CATIP: variants seen among roughly 807,000 people sequenced by gnomAD.
CATIP encodes ciliogenesis-associated TTC17-interacting protein.
In CATIP, 40 loss-of-function variants were observed where a neutral mutation model predicts 42.5. The observed-to-expected ratio is 0.94, with a 90% CI of 0.73 to 1.22. The LOEUF (loss-of-function observed/expected upper bound fraction) is 1.22. CATIP is among the 50% of genes most tolerant of loss of function. The pLI, the probability that CATIP is intolerant of heterozygous loss-of-function variation, is 0.00. For missense variants in CATIP, 489 were observed against 496.0 expected (o/e 0.99, Z 0.13); for synonymous variants, 222 against 200.2 (o/e 1.11, Z -0.92).
At chr2:218,365,778 C>A (rs1476779917) in intron 7 of CATIP, 1 of 151,822 alleles carries the variant, frequency 6.6e-6, no homozygotes, top group Admixed American at 6.6e-5. Context: ...TTTTTCTTTT[C>A]TTTCTTTCTC....
intron 9 of CATIP, 48 bp from the exon 10 acceptor site, chr2:218,367,674 G>A: frequency 1.3e-6 from 2 of 1,576,494 alleles, no homozygotes; most frequent in Non-Finnish European, 1.7e-6. Flanking sequence ...GGGCTCCTGG[G>A]GCGCGGGGGT....
At chr2:218,364,850 T>C (rs1559106036) in intron 7 of CATIP, 98 bp downstream of exon 7, 2 of 1,362,482 alleles carry the variant, frequency 1.5e-6, no homozygotes, top group East Asian at 2.4e-5. Flanking sequence ...AGAACTGGCA[T>C]TGAGATAGGA....
chr2:218,361,426 G>A (rs1008529337), intron 5 of CATIP, among the ~76,000 whole-genome samples: 2 of 152,004 alleles, frequency 1.3e-5, no homozygotes, highest in African/African-American at 4.8e-5. Context: ...GACAACTCGA[G>A]GCAGGGAGGG....
chr2:218,366,965 C>A, intron 7 of CATIP, 59 bp from the exon 8 acceptor site: 2 of 1,283,814 alleles, frequency 1.6e-6, no homozygotes, highest in South Asian at 1.2e-5. Context: ...AGAGACAATT[C>A]AGTCCATAGC....
At position 218,364,730 on chromosome 2, in the gene CATIP, CA is replaced by C. The variant is rs1290019058; in HGVS notation, c.734del (p.Gln245ArgfsTer30). 1 of 1,613,606 alleles carries C rather than the reference CA, an allele frequency of 6.2e-7. No homozygotes were observed. The highest frequency in any genetic ancestry group is 8.5e-7 in the Non-Finnish European group (1 of 1,179,804). On this transcript the variant is annotated frameshift_variant, in exon 7 of 10. Coordinates refer to ENST00000289388, the MANE Select transcript of CATIP (RefSeq NM_198559.2). LOFTEE classifies it high-confidence loss of function. ...HAEEGIPMSCQYYLLSDGHLA... is the reference protein window; with the variant it reads ...HAEEGIPMSCXYYLLSDGHLA... ...GGAGGAGGGCATCCCCATGTCCTGC[CA>C]GTACTACCTGCTCTCCGATGGGTGA...
intron 5 of CATIP, 129 bp downstream of exon 5, chr2:218,360,788 G>A (rs1275371241): frequency 4.9e-6 from 3 of 607,188 alleles, no homozygotes; most frequent in Non-Finnish European, 5.7e-6. Context: ...AGCCTCAGGA[G>A]GTCCTGAGGA....
intron 4 of CATIP, among the ~76,000 whole-genome samples, chr2:218,358,987 C>G (rs1224903165): frequency 1.3e-5 from 2 of 151,786 alleles, no homozygotes; most frequent in Admixed American, 6.6e-5. Flanking sequence ...GGCGGATCAC[C>G]TGAGGTCGGG....
intron 7 of CATIP, chr2:218,366,182 G>A (rs1250972737): frequency 6.6e-6 from 1 of 152,048 alleles, no homozygotes; most frequent in African/African-American, 2.4e-5. Context: ...GGAGTACAGG[G>A]ATGCAATCTT....
chr2:218,365,777 T>C (rs1230180310), intron 7 of CATIP: 2 of 151,962 alleles, frequency 1.3e-5, no homozygotes, highest in African/African-American at 2.4e-5. Context: ...ATTTTTCTTT[T>C]CTTTCTTTCT....
At chr2:218,365,707 T>C (rs1007627555) in intron 7 of CATIP, 4 of 152,190 alleles carry the variant, frequency 2.6e-5, no homozygotes, top group African/African-American at 9.7e-5. Context: ...ACTACAGGTA[T>C]GCACCACAGC....
chr2:218,367,604 A>G (rs1695501688), intron 9 of CATIP, 86 bp downstream of exon 9: 2 of 1,603,294 alleles, frequency 1.2e-6, no homozygotes, highest in South Asian at 2.2e-5. Context: ...ATTGAAATGC[A>G]CACCCGTAGG....
chr2:218,366,952 T>C, intron 7 of CATIP, 72 bp from the exon 8 acceptor site: 2 of 1,164,140 alleles, frequency 1.7e-6, no homozygotes, highest in South Asian at 1.2e-5. Context: ...CACTGGGGGT[T>C]AGAGAGACAA....
At position 218,367,548 on chromosome 2, in the gene CATIP, C is replaced by G. The variant is rs1254119785; in HGVS notation, c.921+30C>G. 4 of 1,609,194 alleles carry G rather than the reference C, an allele frequency of 2.5e-6. No individual in the cohort carries two copies. The South Asian group carries it at 3.3e-5, about 13-fold the overall frequency. On this transcript the variant is annotated intron_variant, in intron 9 of 9. Coordinates refer to ENST00000289388, the MANE Select transcript of CATIP (RefSeq NM_198559.2). ...GGGGAGGCTCCACCAGCCTGGGGTT[C>G]CCATTCCCCCATGGGCCTTAAATTC... is the stretch of plus-strand genomic sequence containing the variant.
chr2:218,360,461 T>A, intron 4 of CATIP, 112 bp from the exon 5 acceptor site: 1 of 834,938 alleles, frequency 1.2e-6, no homozygotes, highest in Non-Finnish European at 1.9e-6. Context: ...GGCTGCTTTT[T>A]TTTTAAGTCA....
chr2:218,364,424 G>A (rs4674297), intron 6 of CATIP, among the ~76,000 whole-genome samples: 34,063 of 152,092 alleles, frequency 0.22, 3,886 homozygotes, highest in Middle Eastern at 0.36. Flanking sequence ...CCTGGTCAGC[G>A]AGATGACATG....
Position 218,357,522 on chromosome 2 carries a change from C to A in CATIP, c.119-12C>A, listed in dbSNP as rs753507964. 2 of 1,612,036 alleles carry A rather than the reference C, an allele frequency of 1.2e-6. No homozygotes were observed. Among genetic ancestry groups the A allele is most frequent in the Non-Finnish European group, 1.7e-6 (2 of 1,178,958 alleles). On this transcript the variant is annotated splice_polypyrimidine_tract_variant and intron_variant, in intron 2 of 9. Coordinates refer to ENST00000289388, the MANE Select transcript of CATIP (RefSeq NM_198559.2). Reference sequence around the variant, plus strand: ...AGGGGCTTTATCTGTTCCCACGGGCCCCTCACCCCAGACAAGGAGGAGCTA... The same window carrying A: ...AGGGGCTTTATCTGTTCCCACGGGCACCTCACCCCAGACAAGGAGGAGCTA...
chr2:218,360,026 A>G (rs1695179902), intron 4 of CATIP, among the ~76,000 whole-genome samples: 1 of 151,830 alleles, frequency 6.6e-6, no homozygotes, highest in South Asian at 2.1e-4. Flanking sequence ...GGGTTTTGCC[A>G]TGTTGGCCAG....
chr2:218,364,748 G>C lies in CATIP; in HGVS notation c.751G>C (p.Asp251His), dbSNP rs566817286. ...GTCCTGCCAGTACTACCTGCTCTCCGATGGGTGAGCTGCTGATGGTGGGCC... is the reference window on the plus strand; with the variant it reads ...GTCCTGCCAGTACTACCTGCTCTCCCATGGGTGAGCTGCTGATGGTGGGCC... ...PMSCQYYLLS[D>H]GHLAKRIQVG... Residue 251 changes from aspartate to histidine, a missense_variant, in exon 7 of 10, where the codon GAT becomes CAT. Coordinates refer to ENST00000289388, the MANE Select transcript of CATIP (RefSeq NM_198559.2). 6.2e-7 allele frequency: 1 copy of C among 1,612,690 alleles called. No homozygotes were observed. The highest frequency in any genetic ancestry group is 2.2e-5 in the East Asian group (1 of 44,774).
intron 5 of CATIP, 105 bp downstream of exon 5, chr2:218,360,764 C>A: frequency 2.4e-6 from 2 of 817,486 alleles, no homozygotes; most frequent in East Asian, 2.7e-5. Context: ...AGGTTAAGGA[C>A]GCGCACATGA....
Sources: gnomAD v4.1 joint callset for allele counts (sites outside exome capture counted in the v4.1 genomes callset) on GRCh38, gnomAD v4.1.1 for gene constraint, MANE v1.5 for transcripts, NCBI Gene and HGNC (gene_info 2026-07-23, HGNC 2026-07-21) for gene names.